Variants in HP1BP3 observed in about 807,000 individuals in gnomAD.
The protein encoded by HP1BP3 is heterochromatin protein 1-binding protein 3.
In HP1BP3, 12 loss-of-function variants were observed where a neutral mutation model predicts 62.5. The ratio of observed to expected loss-of-function variants is 0.19; its 90% CI spans 0.12 to 0.31. HP1BP3 has a LOEUF of 0.31. Among genes scored for constraint, HP1BP3 ranks in the 10% least tolerant of loss-of-function variants. The pLI, the probability that HP1BP3 is intolerant of heterozygous loss-of-function variation, is 1.00. For missense variants in HP1BP3, 502 were observed against 651.8 expected, an observed-to-expected ratio of 0.77 and a Z score of 2.50; for synonymous variants, 260 against 237.8, an observed-to-expected ratio of 1.09 and a Z score of -0.86.
intron 9 of HP1BP3, among the ~76,000 whole-genome samples, chr1:20,751,810 C>T (rs2055776163): frequency 6.8e-6 from 1 of 147,762 alleles, no homozygotes; most frequent in Admixed American, 6.7e-5. Context: ...GGTGTGGTAA[C>T]AAAGGTTAGC....
At chr1:20,748,942 T>G (rs2055527305) in intron 10 of HP1BP3, among the ~76,000 whole-genome samples, 1 of 152,190 alleles carries the variant, frequency 6.6e-6, no homozygotes, top group African/African-American at 2.4e-5. Flanking sequence ...GCAGGGTGTC[T>G]CATCTCAAAT....
At position 20,783,481 on chromosome 1, in the gene HP1BP3, T is replaced by C. The variant is rs370860439; in HGVS notation, c.-100-2941A>G. ...TTGCAGTGACCTGAGATCATGCCAC[T>C]GCACTCCAAGCCTGGGTGAAGAGTG... On this transcript the variant is annotated intron_variant, in intron 1 of 12. Coordinates refer to ENST00000438032, the MANE Select transcript of HP1BP3 (RefSeq NM_001372052.1). Among the ~76,000 whole-genome samples, 38 of 151,822 alleles carry C rather than the reference T, an allele frequency of 2.5e-4. 3 individuals are homozygous for C. Among genetic ancestry groups the C allele is most frequent in the African/African-American group, 6.5e-4 (27 of 41,362 alleles).
In HP1BP3 at chr1:20,741,993, G is replaced by A. The variant is rs905061878; in HGVS notation, c.*2804C>T. 1.3e-5 allele frequency among the ~76,000 whole-genome samples: 2 copies of A among 152,238 alleles called. No individual in the cohort carries two copies. Among genetic ancestry groups the A allele is most frequent in the Non-Finnish European group, 2.9e-5 (2 of 68,050 alleles). On this transcript the variant is annotated 3_prime_UTR_variant, in exon 13 of 13. Transcript: ENST00000438032. ...GTGGATGTTCGTGGAAGAGTGCGAT[G>A]ACCTTCCTGTCTTTTCCCTTTACAT...
At chr1:20,745,347 G>C (rs2055247358) in intron 12 of HP1BP3, among the ~76,000 whole-genome samples, 196 bp downstream of exon 12, 1 of 152,114 alleles carries the variant, frequency 6.6e-6, no homozygotes. Context: ...CTAAACTATG[G>C]ATACACACAG....
At chr1:20,765,715 A>G (rs1022310962) in intron 7 of HP1BP3, among the ~76,000 whole-genome samples, 184 bp from the exon 8 acceptor site, 3 of 152,196 alleles carry the variant, frequency 2.0e-5, no homozygotes, top group African/African-American at 7.2e-5. Context: ...TCACACCTGT[A>G]ATCCCAGCAC....
At chr1:20,753,295 G>T (rs1413055100) in intron 9 of HP1BP3, among the ~76,000 whole-genome samples, 1 of 152,158 alleles carries the variant, frequency 6.6e-6, no homozygotes, top group African/African-American at 2.4e-5. Context: ...TCATTATTCA[G>T]ACTTGGTTAT....
intron 1 of HP1BP3, among the ~76,000 whole-genome samples, chr1:20,780,818 C>T (rs996990827): frequency 6.6e-6 from 1 of 152,150 alleles, no homozygotes; most frequent in Non-Finnish European, 1.5e-5. Context: ...CCCATCCCCT[C>T]CTGCCACCAT....
At chr1:20,763,993 A>C (rs1330716785) in intron 8 of HP1BP3, among the ~76,000 whole-genome samples, 1 of 152,066 alleles carries the variant, frequency 6.6e-6, no homozygotes, top group Non-Finnish European at 1.5e-5. Flanking sequence ...TGCCCAGCCT[A>C]AAAGTACATT....
In HP1BP3 at chr1:20,741,642, A is replaced by G. The variant is rs1474464798; in HGVS notation, c.*3155T>C. Among the ~76,000 whole-genome samples, 3 of 152,218 alleles carry G rather than the reference A, an allele frequency of 2.0e-5. No individual in the cohort carries two copies. Among genetic ancestry groups the G allele is most frequent in the African/African-American group, 4.8e-5 (2 of 41,456 alleles). On this transcript the variant is annotated 3_prime_UTR_variant, in exon 13 of 13. Transcript: ENST00000438032. Reference sequence around the variant, plus strand: ...GGAAAGGTCTCCACATTTCTCAACAATAGTATCTTTCCTTCCTCATTTTGT... The same window carrying G: ...GGAAAGGTCTCCACATTTCTCAACAGTAGTATCTTTCCTTCCTCATTTTGT...
At chr1:20,757,336 C>T in intron 8 of HP1BP3, 80 bp from the exon 9 acceptor site, 1 of 798,834 alleles carries the variant, frequency 1.3e-6, no homozygotes. Flanking sequence ...CAGGGTTATT[C>T]CCAGATCTAG....
intron 5 of HP1BP3, among the ~76,000 whole-genome samples, chr1:20,771,557 T>G (rs959807990): frequency 3.3e-5 from 5 of 152,210 alleles, no homozygotes; most frequent in Non-Finnish European, 5.9e-5. Flanking sequence ...AAAATGGGTT[T>G]ACAGATGGCA....
chr1:20,754,115 G>A (rs1013248345), intron 9 of HP1BP3, among the ~76,000 whole-genome samples: 1 of 152,152 alleles, frequency 6.6e-6, no homozygotes, highest in Non-Finnish European at 1.5e-5. Flanking sequence ...AAAACTGTAA[G>A]GAATTCACAA....
chr1:20,765,567 G>C (rs2056738580), intron 7 of HP1BP3, 36 bp from the exon 8 acceptor site: 1 of 1,544,078 alleles, frequency 6.5e-7, no homozygotes, highest in Non-Finnish European at 8.9e-7. Flanking sequence ...GATCATTATA[G>C]AACGTAAATG....
chr1:20,764,120 T>C (rs928858713), intron 8 of HP1BP3, among the ~76,000 whole-genome samples: 2 of 152,258 alleles, frequency 1.3e-5, no homozygotes, highest in Non-Finnish European at 2.9e-5. Context: ...AGTATTTCTA[T>C]AATAAAATGA....
At chr1:20,748,168 T>G (rs533292644) in intron 10 of HP1BP3, among the ~76,000 whole-genome samples, 1 of 152,216 alleles carries the variant, frequency 6.6e-6, no homozygotes, top group South Asian at 2.1e-4. Context: ...GACCTAAAAC[T>G]AAGTATTTAA....
intron 11 of HP1BP3, among the ~76,000 whole-genome samples, chr1:20,746,194 G>GTGTGTGTGTGTGTA (rs2055318492): frequency 6.9e-6 from 1 of 144,694 alleles, no homozygotes; most frequent in Non-Finnish European, 1.5e-5. Flanking sequence ...ATATGTGTGT[G>GTGTGTGTGTGTGTA]TGTGTGTGTG....
At chr1:20,782,359 G>A (rs539187822) in intron 1 of HP1BP3, among the ~76,000 whole-genome samples, 10 of 151,754 alleles carry the variant, frequency 6.6e-5, no homozygotes, top group Admixed American at 6.6e-4. Flanking sequence ...TAAGGTAGGA[G>A]GTTCACTCGA....
rs762494661 is a variant in HP1BP3 at position 20,749,824 on chromosome 1, A to G, written c.1040T>C (p.Leu347Ser). 1 of 1,614,166 alleles carries G rather than the reference A, an allele frequency of 6.2e-7. No individual in the cohort carries two copies. The highest frequency in any genetic ancestry group is 1.1e-5 in the South Asian group (1 of 91,088). ...LGGSLMEYAI[L>S]SAIAAMNEPK... is the part of the protein sequence containing the mutation. ...CTCATTCATGGCAGCAATGGCAGAC[A>G]AGATTGCATATTCCATCAGGCTTCC... Residue 347 changes from leucine to serine, a missense_variant, in exon 10 of 13, where the codon TTG becomes TCG. Leu to Ser is a moderately radical substitution (Grantham distance 145). Around this residue, in one of 5 missense-constraint regions of HP1BP3, gnomAD observed 111 missense variants for 242.0 expected, o/e 0.46. Transcript: ENST00000438032.
At chr1:20,766,548 G>C (rs2056792731) in intron 7 of HP1BP3, among the ~76,000 whole-genome samples, 1 of 152,136 alleles carries the variant, frequency 6.6e-6, no homozygotes, top group Non-Finnish European at 1.5e-5. Flanking sequence ...TTACACAAAT[G>C]AAATTATATG....
Sources: gnomAD v4.1 joint callset for allele counts (sites outside exome capture counted in the v4.1 genomes callset) on GRCh38, gnomAD v4.1.1 for gene constraint, gnomAD v4.1.1 regional missense constraint, MANE v1.5 for transcripts, NCBI Gene and HGNC (gene_info 2026-07-23, HGNC 2026-07-21) for gene names.